Variants in RPS6KA5 observed in about 807,000 individuals in gnomAD.
RPS6KA5 encodes the protein ribosomal protein S6 kinase A5, also known as ribosomal protein S6 kinase alpha-5.
RPS6KA5 carries 27 observed loss-of-function variants against 85.5 expected under a neutral mutation model. The observed-to-expected ratio is 0.32, with a 90% CI of 0.23 to 0.44. RPS6KA5 has a LOEUF of 0.44. RPS6KA5 is among the 20% of genes least tolerant of loss of function. The pLI is 1.00. For missense variants in RPS6KA5, 811 were observed against 980.9 expected (o/e 0.83, Z 2.31); for synonymous variants, 334 against 348.2 (o/e 0.96, Z 0.46).
chr14:90,920,534 A>T (rs1318746830), intron 6 of RPS6KA5, among the ~76,000 whole-genome samples: 3 of 152,046 alleles, frequency 2.0e-5, no homozygotes, highest in African/African-American at 7.2e-5. Context: ...TAAACTAGTA[A>T]CCGTTTACCT....
intron 1 of RPS6KA5, among the ~76,000 whole-genome samples, chr14:91,020,759 AGTATATAATCAG>A (rs1555378486): frequency 3.0e-5 from 1 of 33,276 alleles, no homozygotes; most frequent in South Asian, 9.0e-4. Flanking sequence ...TATATAATCA[AGTATATAATCAG>A]ATATTGCCTT....
chr14:90,953,295 T>C (rs1257312207), intron 3 of RPS6KA5, among the ~76,000 whole-genome samples: 1 of 152,230 alleles, frequency 6.6e-6, no homozygotes, highest in Non-Finnish European at 1.5e-5. Flanking sequence ...ATCTGGACAT[T>C]TATCAGTTTC....
chr14:91,025,290 G>A (rs972976533), intron 1 of RPS6KA5, among the ~76,000 whole-genome samples: 11 of 152,040 alleles, frequency 7.2e-5, no homozygotes, highest in South Asian at 2.1e-4. Flanking sequence ...GTGATCTGCC[G>A]GCCTCAGCCT....
intron 7 of RPS6KA5, among the ~76,000 whole-genome samples, chr14:90,918,980 GA>G (rs138867767): frequency 6.6e-6 from 1 of 150,850 alleles, no homozygotes; most frequent in Non-Finnish European, 1.5e-5. Flanking sequence ...AATTTCTAAA[GA>G]AAAAAAAATG....
At chr14:90,997,331 T>C (rs907615650) in intron 2 of RPS6KA5, among the ~76,000 whole-genome samples, 2 of 152,222 alleles carry the variant, frequency 1.3e-5, no homozygotes, top group African/African-American at 4.8e-5. Context: ...AAAAAACATA[T>C]GTTCATACAA....
chr14:90,879,788 T>G (rs2033713720), intron 14 of RPS6KA5, among the ~76,000 whole-genome samples: 1 of 151,156 alleles, frequency 6.6e-6, no homozygotes, highest in African/African-American at 2.4e-5. Context: ...CTAATTTTTT[T>G]TTTTTTTTTT....
Position 90,850,932 on chromosome 14 carries a change from GAAC to G in RPS6KA5, c.*21139_*21141del, listed in dbSNP as rs1374965357. ...CAGTGTACACCATAAATTTGTACTAGAACAATACCCATAAATATAAAAAATCTA... is the reference window on the plus strand; with the variant it reads ...CAGTGTACACCATAAATTTGTACTAGAATACCCATAAATATAAAAAATCTA... On this transcript the variant is annotated 3_prime_UTR_variant, in exon 17 of 17. Coordinates refer to ENST00000614987, the MANE Select transcript of RPS6KA5 (RefSeq NM_004755.4). 2 of 152,130 alleles carry G rather than the reference GAAC, an allele frequency of 1.3e-5. No homozygotes were observed. Among genetic ancestry groups the G allele is most frequent in the Non-Finnish European group, 1.5e-5 (1 of 68,030 alleles). The allele number at this position is 152,130 out of a possible 1,614,324, so 9.4% of individuals were successfully genotyped here.
chr14:90,990,876 A>T (rs1325491759), intron 2 of RPS6KA5, among the ~76,000 whole-genome samples: 1 of 152,122 alleles, frequency 6.6e-6, no homozygotes, highest in Non-Finnish European at 1.5e-5. Flanking sequence ...GGCCTACTTG[A>T]GGGGAGAGGG....
chr14:90,981,769 A>T (rs2039799613), intron 2 of RPS6KA5, among the ~76,000 whole-genome samples: 1 of 152,248 alleles, frequency 6.6e-6, no homozygotes. Context: ...GGTAAGTGCC[A>T]GTGGATGCTT....
chr14:90,885,437 C>T (rs1463107452), intron 14 of RPS6KA5, among the ~76,000 whole-genome samples: 2 of 148,410 alleles, frequency 1.3e-5, no homozygotes, highest in Non-Finnish European at 3.0e-5. Flanking sequence ...CCTGTAGTCC[C>T]AGCTACTTGG....
rs577052186 is a variant in RPS6KA5, at chr14:90,944,710, G to A, written c.511-1525C>T. 2.6e-5 allele frequency among the ~76,000 whole-genome samples: 4 copies of A among 151,646 alleles called. No individual in the cohort carries two copies. The East Asian group carries it at 5.9e-4, about 22-fold the overall frequency. On this transcript the variant is annotated intron_variant, in intron 4 of 16. Transcript: ENST00000614987. Reference sequence around the variant, plus strand: ...GTGGAGGTTACGGTGAGCTGAGATCGTGCCACTGCACTCCAGCCTGGGCAA... The same window carrying A: ...GTGGAGGTTACGGTGAGCTGAGATCATGCCACTGCACTCCAGCCTGGGCAA...
At chr14:90,929,169 A>C (rs1190933496) in intron 5 of RPS6KA5, among the ~76,000 whole-genome samples, 1 of 152,140 alleles carries the variant, frequency 6.6e-6, no homozygotes, top group East Asian at 1.9e-4. Context: ...CAAATACCAT[A>C]CTAAATGACT....
chr14:90,894,605 G>A (rs763036750), intron 12 of RPS6KA5, 22 bp from the exon 13 acceptor site: 15 of 1,609,060 alleles, frequency 9.3e-6, no homozygotes, highest in Admixed American at 3.4e-5. Flanking sequence ...AAAGAATAAC[G>A]TGGAGGGCCT....
intron 16 of RPS6KA5, among the ~76,000 whole-genome samples, chr14:90,872,792 C>T (rs187731762): frequency 6.6e-6 from 1 of 152,210 alleles, no homozygotes; most frequent in Non-Finnish European, 1.5e-5. Context: ...GACACTTACA[C>T]GCATGGAGAA....
intron 3 of RPS6KA5, among the ~76,000 whole-genome samples, chr14:90,958,605 C>A (rs2038643747): frequency 6.6e-6 from 1 of 152,082 alleles, no homozygotes; most frequent in Non-Finnish European, 1.5e-5. Context: ...GAATCTAAAT[C>A]TGTGTTTTAA....
chr14:90,952,169 C>T (rs60335177), intron 3 of RPS6KA5, among the ~76,000 whole-genome samples: 7,004 of 152,282 alleles, frequency 0.046, 424 homozygotes, highest in African/African-American at 0.12. Flanking sequence ...TTACCTCCAA[C>T]CTGACTCTTC....
At chr14:90,964,604 G>A (rs779704849) in intron 3 of RPS6KA5, among the ~76,000 whole-genome samples, 1 of 151,966 alleles carries the variant, frequency 6.6e-6, no homozygotes, top group Non-Finnish European at 1.5e-5. Context: ...TAAATTGGTA[G>A]GATGGATTCC....
intron 7 of RPS6KA5, among the ~76,000 whole-genome samples, chr14:90,918,403 AT>A: frequency 6.6e-6 from 1 of 152,296 alleles, no homozygotes; most frequent in South Asian, 2.1e-4. Flanking sequence ...AGTTTTAAGA[AT>A]TCTTTATACA....
At chr14:90,890,976 C>A (rs766603574) in intron 13 of RPS6KA5, among the ~76,000 whole-genome samples, 2 of 152,086 alleles carry the variant, frequency 1.3e-5, no homozygotes, top group South Asian at 4.2e-4. Context: ...CCTCCGCCAA[C>A]CTACCTCCCC....
Sources: gnomAD v4.1 joint callset for allele counts (sites outside exome capture counted in the v4.1 genomes callset) on GRCh38, gnomAD v4.1.1 for gene constraint, MANE v1.5 for transcripts, NCBI Gene and HGNC (gene_info 2026-07-23, HGNC 2026-07-21) for gene names.